PPFIA2: variants seen among roughly 807,000 people sequenced by gnomAD.
PPFIA2 encodes liprin-alpha-2.
A neutral mutation model predicts 175.5 loss-of-function variants in PPFIA2; 46 were observed. That is an observed-to-expected ratio of 0.26 (90% CI 0.21 to 0.34). The LOEUF (loss-of-function observed/expected upper bound fraction) is 0.34. Among genes scored for constraint, PPFIA2 ranks in the 10% least tolerant of loss-of-function variants. PPFIA2 has a pLI of 1.00. For missense variants in PPFIA2, 1,179 were observed against 1,506.1 expected (o/e 0.78, Z 3.60); for synonymous variants, 568 against 511.4 (o/e 1.11, Z -1.49).
intron 3 of PPFIA2, among the ~76,000 whole-genome samples, chr12:81,743,410 T>C (rs1490898689): frequency 1.5e-4 from 1 of 6,846 alleles, no homozygotes; most frequent in Non-Finnish European, 4.3e-4. Context: ...AGACTCCGTC[T>C]CAAAAAAAAA....
At chr12:81,397,682 G>A (rs11114844) in intron 8 of PPFIA2, among the ~76,000 whole-genome samples, 34,841 of 151,818 alleles carry the variant, frequency 0.23, 5,340 homozygotes, top group East Asian at 0.46. Flanking sequence ...GAATACAGTC[G>A]ACCAGGGGTG....
intron 4 of PPFIA2, among the ~76,000 whole-genome samples, chr12:81,642,931 A>G (rs969208734): frequency 2.1e-5 from 3 of 144,832 alleles, no homozygotes; most frequent in Non-Finnish European, 4.5e-5. Flanking sequence ...ATGTGTATAT[A>G]TAACATATGT....
chr12:81,297,613 A>G (rs147653429), intron 23 of PPFIA2, among the ~76,000 whole-genome samples: 41 of 152,322 alleles, frequency 2.7e-4, no homozygotes, highest in African/African-American at 9.6e-4. Flanking sequence ...ATAAACTCAA[A>G]CTGTTCAAAA....
intron 3 of PPFIA2, among the ~76,000 whole-genome samples, chr12:81,708,936 G>C (rs533460754): frequency 6.6e-6 from 1 of 152,178 alleles, no homozygotes; most frequent in Non-Finnish European, 1.5e-5. Flanking sequence ...CTCAAGGCAA[G>C]GTAATTTTAA....
At chr12:81,426,518 C>T (rs1592798409) in intron 7 of PPFIA2, among the ~76,000 whole-genome samples, 1 of 152,024 alleles carries the variant, frequency 6.6e-6, no homozygotes, top group Non-Finnish European at 1.5e-5. Context: ...TGCAGTTTGG[C>T]TAAACTCAGG....
At chr12:81,712,798 A>G (rs2153617090) in intron 3 of PPFIA2, among the ~76,000 whole-genome samples, 1 of 150,206 alleles carries the variant, frequency 6.7e-6, no homozygotes, top group Non-Finnish European at 1.5e-5. Context: ...TTACGCTTTC[A>G]ATTGTGCTGT....
At chr12:81,296,627 TAAAC>T (rs2046501244) in intron 23 of PPFIA2, 1 of 152,102 alleles carries the variant, frequency 6.6e-6, no homozygotes, top group South Asian at 2.1e-4. Flanking sequence ...TTTGTTGAAA[TAAAC>T]AGATTGAACA....
intron 4 of PPFIA2, among the ~76,000 whole-genome samples, chr12:81,526,007 T>G (rs2063691507): frequency 1.3e-5 from 2 of 152,216 alleles, no homozygotes; most frequent in South Asian, 4.1e-4. Flanking sequence ...CAAAAACTCC[T>G]TATTAAAAAT....
intron 4 of PPFIA2, among the ~76,000 whole-genome samples, chr12:81,556,439 C>A (rs546412022): frequency 6.6e-6 from 1 of 151,888 alleles, no homozygotes; most frequent in East Asian, 1.9e-4. Flanking sequence ...ATGTCTTACC[C>A]TTTTTTCATG....
chr12:81,648,426 TA>T (rs1283609057), intron 4 of PPFIA2, among the ~76,000 whole-genome samples: 1 of 151,634 alleles, frequency 6.6e-6, no homozygotes, highest in Non-Finnish European at 1.5e-5. Context: ...AAATCAATAG[TA>T]AGTTGATACA....
chr12:81,488,868 A>T (rs2059129119), intron 4 of PPFIA2, among the ~76,000 whole-genome samples: 1 of 151,764 alleles, frequency 6.6e-6, no homozygotes, highest in South Asian at 2.1e-4. Flanking sequence ...TCTCACAACA[A>T]TGTTTCTGAA....
chr12:81,757,061 T>C (rs73153324), intron 2 of PPFIA2, among the ~76,000 whole-genome samples: 21,650 of 152,212 alleles, frequency 0.14, 1,792 homozygotes, highest in Middle Eastern at 0.24. Flanking sequence ...AGAATTCAGA[T>C]TCTAACATAA....
At chr12:81,627,477 A>G (rs1424520883) in intron 4 of PPFIA2, among the ~76,000 whole-genome samples, 2 of 152,130 alleles carry the variant, frequency 1.3e-5, no homozygotes, top group African/African-American at 4.8e-5. Flanking sequence ...TCTCCTAGGA[A>G]AGTACTGACA....
intron 7 of PPFIA2, among the ~76,000 whole-genome samples, chr12:81,415,260 T>TATATATATATATATA (rs1344804372): frequency 9.6e-6 from 1 of 104,514 alleles, no homozygotes; most frequent in Non-Finnish European, 2.0e-5. Context: ...TATATATATG[T>TATATATATATATATA]TTGTAAGAAT....
intron 4 of PPFIA2, among the ~76,000 whole-genome samples, chr12:81,651,257 G>C (rs1357017008): frequency 6.6e-6 from 1 of 152,072 alleles, no homozygotes; most frequent in Non-Finnish European, 1.5e-5. Context: ...AATATCTGAA[G>C]GTTTAAGTTC....
chr12:81,410,438 A>G (rs2043727489), intron 7 of PPFIA2, among the ~76,000 whole-genome samples: 1 of 152,084 alleles, frequency 6.6e-6, no homozygotes, highest in African/African-American at 2.4e-5. Flanking sequence ...TTTGTATGTC[A>G]TTAAGATTGG....
intron 5 of PPFIA2, among the ~76,000 whole-genome samples, chr12:81,453,603 C>G (rs1407342729): frequency 6.6e-6 from 1 of 151,880 alleles, no homozygotes; most frequent in Non-Finnish European, 1.5e-5. Flanking sequence ...AAATATTGAA[C>G]AAAAACTTCT....
chr12:81,263,578 A>G (rs1413732856), intron 30 of PPFIA2, among the ~76,000 whole-genome samples, 188 bp from the exon 31 acceptor site: 2 of 152,228 alleles, frequency 1.3e-5, no homozygotes, highest in African/African-American at 4.8e-5. Flanking sequence ...GATTTGATAT[A>G]TAAATTTTTA....
intron 5 of PPFIA2, among the ~76,000 whole-genome samples, chr12:81,452,105 G>GAC (rs139654018): frequency 8.0e-5 from 12 of 150,906 alleles, no homozygotes; most frequent in South Asian, 6.3e-4. Flanking sequence ...TTCACACACA[G>GAC]ACACACACAC....
Sources: gnomAD v4.1 joint callset for allele counts (sites outside exome capture counted in the v4.1 genomes callset) on GRCh38, gnomAD v4.1.1 for gene constraint, MANE v1.5 for transcripts, NCBI Gene and HGNC (gene_info 2026-07-23, HGNC 2026-07-21) for gene names.